The following PCDHGA3 variants were observed in gnomAD, a reference collection of about 807,000 sequenced individuals.
PCDHGA3 encodes protocadherin gamma-A3.
A neutral mutation model predicts 58.5 loss-of-function variants in PCDHGA3; 40 were observed. That is an observed-to-expected ratio of 0.68 (90% CI 0.53 to 0.89). PCDHGA3 has a LOEUF of 0.89. PCDHGA3 is among the 40% of genes least tolerant of loss of function. The pLI, the probability that PCDHGA3 is intolerant of heterozygous loss-of-function variation, is 0.00. For missense variants in PCDHGA3, 1,223 were observed against 1,195.9 expected (o/e 1.02, Z -0.33); for synonymous variants, 530 against 525.7 (o/e 1.01, Z -0.11).
At chr5:141,362,524 G>GGGGT in intron 1 of PCDHGA3, 1 of 1,613,964 alleles carries the variant, frequency 6.2e-7, no homozygotes, top group Non-Finnish European at 8.5e-7. Flanking sequence ...TGGAGCCGCT[G>GGGGT]GGGTCCCTTT....
In PCDHGA3 at chr5:141,432,877, C is replaced by T. The variant is rs375043811; in HGVS notation, c.2425-61930C>T. 108 of 1,614,082 alleles carry T rather than the reference C, an allele frequency of 6.7e-5. No homozygotes were observed. Among genetic ancestry groups the T allele is most frequent in the Non-Finnish European group, 7.6e-5 (90 of 1,180,018 alleles). On this transcript the variant is annotated intron_variant, in intron 1 of 3. Coordinates refer to ENST00000253812, the MANE Select transcript of PCDHGA3 (RefSeq NM_018916.4). The surrounding 1 kb of genome is among the most constrained non-coding windows in gnomAD (Gnocchi z 6.0). Reference sequence around the variant, plus strand: ...CCGCGGTCTCCTGCGTCTTCCTGGCCTTCGTCATCTTGCTGCTGGCGCTCA... The same window carrying T: ...CCGCGGTCTCCTGCGTCTTCCTGGCTTTCGTCATCTTGCTGCTGGCGCTCA...
chr5:141,418,498 C>T (rs181453589), intron 1 of PCDHGA3: 10 of 1,613,968 alleles, frequency 6.2e-6, no homozygotes, highest in East Asian at 2.2e-5. Context: ...TGGTACTGAC[C>T]GCCTTAGATG....
At position 141,486,634 on chromosome 5, in the gene PCDHGA3, T is replaced by C; in HGVS notation, c.2425-8173T>C. 1 of 1,613,762 alleles carries C rather than the reference T, an allele frequency of 6.2e-7. No individual in the cohort carries two copies. The highest frequency in any genetic ancestry group is 8.5e-7 in the Non-Finnish European group (1 of 1,180,044). ...CCTCTGACCCAGACTCTGGCTTGAA[T>C]GCGCTTATCTCCTACTCACTCCTGG... On this transcript the variant is annotated intron_variant, in intron 1 of 3. Coordinates refer to ENST00000253812, the MANE Select transcript of PCDHGA3 (RefSeq NM_018916.4). The surrounding 1 kb of genome is among the most constrained non-coding windows in gnomAD (Gnocchi z 5.0).
At chr5:141,359,980 T>C in intron 1 of PCDHGA3, 1 of 851,316 alleles carries the variant, frequency 1.2e-6, no homozygotes, top group Non-Finnish European at 1.7e-6. Flanking sequence ...GGGAGCCTCT[T>C]AGAGGGGAAC....
At position 141,505,629 on chromosome 5, in the gene PCDHGA3, C is replaced by T. The variant is rs1475582931; in HGVS notation, c.2572+148C>T. 7.4e-6 allele frequency: 11 copies of T among 1,482,192 alleles called. No individual in the cohort carries two copies. The African/African-American group carries it at 9.8e-5, about 13-fold the overall frequency. The allele number at this position is 1,482,192 out of a possible 1,614,324, so 91.8% of individuals were successfully genotyped here. ...GTCTGAAAGGACCCACAATTCCAAACATAAAGCCTGGAATTGTGGCTAAGG... is the reference window on the plus strand; with the variant it reads ...GTCTGAAAGGACCCACAATTCCAAATATAAAGCCTGGAATTGTGGCTAAGG... On this transcript the variant is annotated intron_variant, in intron 3 of 3. Coordinates refer to ENST00000253812, the MANE Select transcript of PCDHGA3 (RefSeq NM_018916.4).
At chr5:141,434,337 C>T (rs939910421) in intron 1 of PCDHGA3, among the ~76,000 whole-genome samples, 13 of 152,230 alleles carry the variant, frequency 8.5e-5, no homozygotes, top group African/African-American at 2.4e-4. Context: ...CTCTTTGTGT[C>T]GGGAACAGGC....
rs201825683 is a variant in PCDHGA3 at position 141,404,916 on chromosome 5, C to T, written c.2424+58459C>T. The T allele has an allele frequency of 1.5e-4, 243 of 1,613,780 alleles. No homozygotes were observed. The highest frequency in any genetic ancestry group is 1.1e-4 in the Non-Finnish European group (126 of 1,179,862). ...CAGGACCATGGCCAGCCCCCTCTCTCGGCCACTGTCACGCTCACAGTAGCC... is the reference window on the plus strand; with the variant it reads ...CAGGACCATGGCCAGCCCCCTCTCTTGGCCACTGTCACGCTCACAGTAGCC... On this transcript the variant is annotated intron_variant, in intron 1 of 3. Transcript: ENST00000253812.
chr5:141,421,291 G>C, intron 1 of PCDHGA3: 1 of 1,613,364 alleles, frequency 6.2e-7, no homozygotes, highest in Middle Eastern at 1.6e-4. Context: ...CATTTTCCTG[G>C]GGACGCTGCG....
chr5:141,418,389 A>G (rs768078575), intron 1 of PCDHGA3: 1 of 1,613,996 alleles, frequency 6.2e-7, no homozygotes, highest in South Asian at 1.1e-5. Context: ...CCTAACGAGT[A>G]TTTCTCATTG....
intron 1 of PCDHGA3, among the ~76,000 whole-genome samples, chr5:141,446,453 A>T (rs2098502702): frequency 6.6e-6 from 1 of 151,946 alleles, no homozygotes; most frequent in Non-Finnish European, 1.5e-5. Context: ...GCAGATATTC[A>T]GTGTGTGATT....
At chr5:141,430,373 A>G (rs1456234962) in intron 1 of PCDHGA3, among the ~76,000 whole-genome samples, 1 of 151,170 alleles carries the variant, frequency 6.6e-6, no homozygotes, top group Non-Finnish European at 1.5e-5. Flanking sequence ...GGGAAAAAAA[A>G]GCTCATTGGG....
At chr5:141,351,637 G>A in intron 1 of PCDHGA3, 1 of 1,614,028 alleles carries the variant, frequency 6.2e-7, no homozygotes, top group Non-Finnish European at 8.5e-7. Context: ...ACGTGTCTGA[G>A]AACAACCCAC....
intron 1 of PCDHGA3, among the ~76,000 whole-genome samples, chr5:141,462,459 CTG>C (rs2099040203): frequency 6.6e-6 from 1 of 152,010 alleles, no homozygotes; most frequent in African/African-American, 2.4e-5. Flanking sequence ...TAACTGAAAA[CTG>C]TGTATTCTGC....
chr5:141,364,241 C>T (rs1408729947), intron 1 of PCDHGA3: 2 of 1,442,340 alleles, frequency 1.4e-6, no homozygotes, highest in Non-Finnish European at 1.8e-6. Flanking sequence ...CGCCCATTTT[C>T]GTCAGGGAAT....
Position 141,505,229 on chromosome 5 carries a change from G to T in PCDHGA3, c.2484-164G>T, listed in dbSNP as rs116169437. 9.5e-4 allele frequency: 809 copies of T among 847,460 alleles called. 6 individuals carry two copies. In the African/African-American group the frequency reaches 0.013, roughly 13 times the overall value. 52.5% of individuals were successfully genotyped at this position (847,460 alleles called of 1,614,324 possible). ...TGAGGGACTGACTTGTGGGATTCTG[G>T]CTTCTGAAGGATTGTAGAAGTGCCT... On this transcript the variant is annotated intron_variant, in intron 2 of 3. Coordinates refer to ENST00000253812, the MANE Select transcript of PCDHGA3 (RefSeq NM_018916.4).
intron 1 of PCDHGA3, chr5:141,366,029 C>T (rs766110369): frequency 4.3e-6 from 7 of 1,614,260 alleles, no homozygotes; most frequent in Non-Finnish European, 5.9e-6. Context: ...GTACCCCGCC[C>T]TCCCCACAGA....
intron 1 of PCDHGA3, chr5:141,399,577 TC>T (rs1393975550): frequency 6.2e-7 from 1 of 1,613,972 alleles, no homozygotes; most frequent in Non-Finnish European, 8.5e-7. Flanking sequence ...CGGCCAAGTC[TC>T]CTACTCTATC....
intron 2 of PCDHGA3, among the ~76,000 whole-genome samples, chr5:141,501,324 CA>C (rs1311475307): frequency 7.2e-5 from 11 of 151,778 alleles, no homozygotes; most frequent in African/African-American, 1.9e-4. Flanking sequence ...CACACACACA[CA>C]CACACACACC....
Position 141,485,785 on chromosome 5 carries a change from G to C in PCDHGA3, c.2425-9022G>C. ...TGGAGAAGCCTTTGGATCGAGAGAAGCAATCGGACTACCGCCTGGTGCTGA... is the reference window on the plus strand; with the variant it reads ...TGGAGAAGCCTTTGGATCGAGAGAACCAATCGGACTACCGCCTGGTGCTGA... On this transcript the variant is annotated intron_variant, in intron 1 of 3. Coordinates refer to ENST00000253812, the MANE Select transcript of PCDHGA3 (RefSeq NM_018916.4). The surrounding 1 kb of genome is among the most constrained non-coding windows in gnomAD (Gnocchi z 5.7). The C allele has an allele frequency of 1.2e-6, 2 of 1,614,214 alleles. No individual in the cohort carries two copies. The highest frequency in any genetic ancestry group is 1.7e-6 in the Non-Finnish European group (2 of 1,180,030).
Sources: gnomAD v4.1 joint callset for allele counts (sites outside exome capture counted in the v4.1 genomes callset) on GRCh38, gnomAD v4.1.1 for gene constraint, Gnocchi (gnomAD v3.1) non-coding constraint, MANE v1.5 for transcripts, NCBI Gene and HGNC (gene_info 2026-07-23, HGNC 2026-07-21) for gene names.